The following TOM1L2 variants were observed in gnomAD, a reference collection of about 807,000 sequenced individuals.
TOM1L2 encodes target of myb1 like 2 membrane trafficking protein.
TOM1L2 carries 31 observed loss-of-function variants against 67.9 expected under a neutral mutation model. The observed-to-expected ratio is 0.46, with a 90% CI of 0.34 to 0.62. The LOEUF is 0.62. Among genes scored for constraint, TOM1L2 ranks in the 20% least tolerant of loss-of-function variants. TOM1L2 has a pLI of 0.01. For missense variants in TOM1L2, 606 were observed against 663.5 expected, an observed-to-expected ratio of 0.91 and a Z score of 0.95; for synonymous variants, 256 against 254.0, an observed-to-expected ratio of 1.01 and a Z score of -0.07.
chr17:17,899,465 C>T (rs2350977), intron 2 of TOM1L2, among the ~76,000 whole-genome samples: 78,116 of 152,118 alleles, frequency 0.51, 21,124 homozygotes, highest in Non-Finnish European at 0.61. Flanking sequence ...TGGAGTGGAG[C>T]TGTTTGGAAG....
At chr17:17,869,582 T>C (rs1212354927) in intron 7 of TOM1L2, 109 bp from the exon 8 acceptor site, 6 of 1,435,642 alleles carry the variant, frequency 4.2e-6, no homozygotes, top group Non-Finnish European at 3.6e-6. Context: ...AAGGAGTACA[T>C]GCTTGTTCAT....
At chr17:17,947,568 C>G (rs1205408410) in intron 1 of TOM1L2, among the ~76,000 whole-genome samples, 1 of 152,150 alleles carries the variant, frequency 6.6e-6, no homozygotes, top group Non-Finnish European at 1.5e-5. Flanking sequence ...TCTGAAGAAG[C>G]CAAACCTGCA....
chr17:17,883,708 T>G (rs1484489140), intron 5 of TOM1L2, among the ~76,000 whole-genome samples: 2 of 152,062 alleles, frequency 1.3e-5, no homozygotes, highest in Non-Finnish European at 2.9e-5. Flanking sequence ...CACTCCAGCC[T>G]GGGCGACACA....
chr17:17,906,579 T>G (rs1477576858), intron 2 of TOM1L2, among the ~76,000 whole-genome samples: 2 of 152,180 alleles, frequency 1.3e-5, no homozygotes, highest in African/African-American at 4.8e-5. Context: ...GACTGGCCGC[T>G]CCCCAAGGGG....
chr17:17,866,804 C>A, intron 9 of TOM1L2, 72 bp downstream of exon 9: 2 of 1,413,108 alleles, frequency 1.4e-6, no homozygotes, highest in South Asian at 1.2e-5. Flanking sequence ...AACTGGAGGT[C>A]TCTCCAGCCT....
chr17:17,900,452 G>A (rs1267013593), intron 2 of TOM1L2, among the ~76,000 whole-genome samples: 1 of 148,226 alleles, frequency 6.7e-6, no homozygotes, highest in Non-Finnish European at 1.5e-5. Context: ...AACCTGAGAT[G>A]TGAAGGTTGC....
chr17:17,941,042 GA>G (rs1598378879), intron 1 of TOM1L2, among the ~76,000 whole-genome samples: 1 of 152,180 alleles, frequency 6.6e-6, no homozygotes, highest in African/African-American at 2.4e-5. Context: ...CTACACTTCT[GA>G]AGATGGCTGT....
chr17:17,970,305 C>T (rs2042020288), intron 1 of TOM1L2, among the ~76,000 whole-genome samples: 1 of 151,940 alleles, frequency 6.6e-6, no homozygotes, highest in South Asian at 2.1e-4. Flanking sequence ...ACCTTGTGAT[C>T]CGCCCGCCTC....
chr17:17,958,787 T>C (rs1230934569), intron 1 of TOM1L2, among the ~76,000 whole-genome samples: 1 of 152,184 alleles, frequency 6.6e-6, no homozygotes, highest in Non-Finnish European at 1.5e-5. Flanking sequence ...AGATTGGGGC[T>C]CCCTAGCCAG....
intron 1 of TOM1L2, among the ~76,000 whole-genome samples, chr17:17,938,449 C>T (rs1433114353): frequency 1.3e-5 from 2 of 152,142 alleles, no homozygotes; most frequent in African/African-American, 4.8e-5. Flanking sequence ...AACAGTCCCG[C>T]TCTGACTAGG....
intron 1 of TOM1L2, among the ~76,000 whole-genome samples, chr17:17,928,195 A>G (rs1446948853): frequency 6.6e-6 from 1 of 152,078 alleles, no homozygotes; most frequent in Non-Finnish European, 1.5e-5. Flanking sequence ...AAAACCATTC[A>G]TAACTTTGAC....
chr17:17,958,159 G>A (rs1177714780), intron 1 of TOM1L2, among the ~76,000 whole-genome samples: 1 of 151,442 alleles, frequency 6.6e-6, no homozygotes, highest in Non-Finnish European at 1.5e-5. Context: ...GGTCTGAAAT[G>A]AACTTGGAAA....
At chr17:17,893,601 C>A (rs2038402877) in intron 4 of TOM1L2, 60 bp downstream of exon 4, 1 of 1,487,356 alleles carries the variant, frequency 6.7e-7, no homozygotes, top group Admixed American at 1.9e-5. Flanking sequence ...CATGAGGACT[C>A]ATCAATAAGA....
intron 7 of TOM1L2, among the ~76,000 whole-genome samples, chr17:17,872,365 A>C (rs1326620584): frequency 6.6e-6 from 1 of 152,276 alleles, no homozygotes; most frequent in African/African-American, 2.4e-5. Context: ...AAACACAGTG[A>C]GCATCTGTTC....
intron 7 of TOM1L2, among the ~76,000 whole-genome samples, chr17:17,876,896 G>A (rs1207485436): frequency 6.6e-6 from 1 of 152,240 alleles, no homozygotes; most frequent in Non-Finnish European, 1.5e-5. Flanking sequence ...CAGATAAGAT[G>A]CTGTGGAAGA....
intron 12 of TOM1L2, chr17:17,857,928 A>G: frequency 7.4e-7 from 1 of 1,350,130 alleles, no homozygotes. Flanking sequence ...CAGAAAAGTC[A>G]CTCTTCAGAC....
intron 10 of TOM1L2, chr17:17,863,484 T>C (rs1390753993): frequency 6.6e-6 from 1 of 151,198 alleles, no homozygotes; most frequent in Non-Finnish European, 1.5e-5. Context: ...TGAACAACGC[T>C]CACAGGAAAA....
chr17:17,950,048 T>G (rs1460979334), intron 1 of TOM1L2, among the ~76,000 whole-genome samples: 1 of 152,070 alleles, frequency 6.6e-6, no homozygotes, highest in Non-Finnish European at 1.5e-5. Flanking sequence ...TTTTTTTTTG[T>G]ATTTTAGTAG....
intron 1 of TOM1L2, among the ~76,000 whole-genome samples, chr17:17,956,789 C>A (rs2041475104): frequency 6.6e-6 from 1 of 152,252 alleles, no homozygotes; most frequent in Admixed American, 6.5e-5. Flanking sequence ...GAGCTCACGC[C>A]CACCCAGAAC....
Sources: gnomAD v4.1 joint callset for allele counts (sites outside exome capture counted in the v4.1 genomes callset) on GRCh38, gnomAD v4.1.1 for gene constraint, MANE v1.5 for transcripts, NCBI Gene and HGNC (gene_info 2026-07-23, HGNC 2026-07-21) for gene names.